Variants in C16orf78 observed in about 807,000 individuals in gnomAD.
C16orf78 encodes the protein chromosome 16 open reading frame 78.
C16orf78 carries 19 observed loss-of-function variants against 27.3 expected under a neutral mutation model. The observed-to-expected ratio is 0.70, with a 90% CI of 0.49 to 1.02. The LOEUF (loss-of-function observed/expected upper bound fraction) is 1.02, where lower values mean the gene tolerates loss of function less well. C16orf78 is among the 50% of genes least tolerant of loss of function. The probability of loss-of-function intolerance (pLI) is 0.00; values close to 1 mark genes in which losing one functional copy is unlikely to be tolerated. For missense variants in C16orf78, 339 were observed against 337.0 expected (o/e 1.01, Z -0.05); for synonymous variants, 130 against 116.1 (o/e 1.12, Z -0.77).
intron 4 of C16orf78, 21 bp from the exon 5 acceptor site, chr16:49,399,110 C>T (rs1596936199): frequency 6.2e-7 from 1 of 1,612,292 alleles, no homozygotes; most frequent in East Asian, 2.2e-5. Context: ...CAACTGACCT[C>T]TTTTGCCTTC....
chr16:49,378,684 C>T, intron 3 of C16orf78, 91 bp downstream of exon 3: 2 of 1,553,764 alleles, frequency 1.3e-6, no homozygotes, highest in South Asian at 1.2e-5. Context: ...ATTCTTAGAG[C>T]AGTAGCGTCC....
At chr16:49,374,115 A>G (rs748618113) in intron 1 of C16orf78, 26 bp downstream of exon 1, 5 of 1,611,626 alleles carry the variant, frequency 3.1e-6, no homozygotes, top group Admixed American at 1.7e-5. Context: ...GAGAAATGGC[A>G]GGAAGACTTT....
chr16:49,383,901 A>G (rs1965315864), intron 3 of C16orf78, among the ~76,000 whole-genome samples: 1 of 152,252 alleles, frequency 6.6e-6, no homozygotes, highest in Non-Finnish European at 1.5e-5. Context: ...AACTGATTCT[A>G]CAGCAATGCA....
intron 3 of C16orf78, among the ~76,000 whole-genome samples, chr16:49,394,451 G>GA (rs1423305767): frequency 1.3e-5 from 2 of 148,812 alleles, no homozygotes; most frequent in Non-Finnish European, 3.0e-5. Flanking sequence ...CATATTAAAG[G>GA]AAAAAATGTG....
At chr16:49,377,643 C>T (rs1051355246) in intron 1 of C16orf78, 88 bp from the exon 2 acceptor site, 179 of 1,510,218 alleles carry the variant, frequency 1.2e-4, no homozygotes, top group Non-Finnish European at 1.2e-4. Flanking sequence ...GGGACAGCCC[C>T]TCACCTGGGA....
At chr16:49,388,539 T>G (rs1965376095) in intron 3 of C16orf78, among the ~76,000 whole-genome samples, 1 of 152,164 alleles carries the variant, frequency 6.6e-6, no homozygotes, top group Admixed American at 6.5e-5. Context: ...TAACACAAGG[T>G]CTCACTTTGT....
At chr16:49,388,678 A>C (rs1028219326) in intron 3 of C16orf78, among the ~76,000 whole-genome samples, 1 of 152,056 alleles carries the variant, frequency 6.6e-6, no homozygotes, top group Non-Finnish European at 1.5e-5. Flanking sequence ...TGGCCAGCAA[A>C]TTTTTGTATT....
At chr16:49,383,418 A>T (rs80151246) in intron 3 of C16orf78, among the ~76,000 whole-genome samples, 5,430 of 152,336 alleles carry the variant, frequency 0.036, 113 homozygotes, top group Non-Finnish European at 0.053. Context: ...TCCCGATTGC[A>T]TTACATTACA....
intron 1 of C16orf78, among the ~76,000 whole-genome samples, chr16:49,376,278 C>T (rs1332142398): frequency 6.6e-6 from 1 of 152,204 alleles, no homozygotes; most frequent in African/African-American, 2.4e-5. Context: ...TTGGCATCAG[C>T]GAAGACCCCT....
intron 3 of C16orf78, among the ~76,000 whole-genome samples, chr16:49,395,574 C>T (rs929453153): frequency 6.6e-6 from 1 of 152,160 alleles, no homozygotes; most frequent in Non-Finnish European, 1.5e-5. Flanking sequence ...GGCACCCCTG[C>T]AAGTCCAACA....
intron 4 of C16orf78, 93 bp downstream of exon 4, chr16:49,396,771 GA>G: frequency 1.4e-6 from 2 of 1,464,742 alleles, no homozygotes; most frequent in Non-Finnish European, 1.8e-6. Flanking sequence ...GGCTTAGCCT[GA>G]AGATCTAGGA....
intron 4 of C16orf78, among the ~76,000 whole-genome samples, 178 bp downstream of exon 4, chr16:49,396,856 C>T (rs1965482192): frequency 1.3e-5 from 2 of 152,238 alleles, no homozygotes; most frequent in Non-Finnish European, 2.9e-5. Flanking sequence ...CAGTGGGTTT[C>T]CAGCAGCTCA....
chr16:49,389,427 A>G (rs1247921407), intron 3 of C16orf78, among the ~76,000 whole-genome samples: 1 of 148,006 alleles, frequency 6.8e-6, no homozygotes, highest in Non-Finnish European at 1.5e-5. Flanking sequence ...CTCCATCTCA[A>G]AAAAAAAAAA....
At chr16:49,394,684 G>T (rs1262289652) in intron 3 of C16orf78, among the ~76,000 whole-genome samples, 2 of 151,930 alleles carry the variant, frequency 1.3e-5, no homozygotes, top group African/African-American at 4.8e-5. Flanking sequence ...GTTCTAGAGG[G>T]TCTGTCAAAT....
intron 3 of C16orf78, among the ~76,000 whole-genome samples, chr16:49,382,251 C>T (rs953057408): frequency 6.6e-6 from 1 of 151,984 alleles, no homozygotes; most frequent in African/African-American, 2.4e-5. Flanking sequence ...ACGTCACACT[C>T]TGGGGACTGT....
At chr16:49,388,346 A>T (rs147309745) in intron 3 of C16orf78, among the ~76,000 whole-genome samples, 2,415 of 152,240 alleles carry the variant, frequency 0.016, 38 homozygotes, top group Non-Finnish European at 0.026. Context: ...GTGAGTGTTC[A>T]GTGATATAAA....
At chr16:49,398,097 C>T (rs1229997537) in intron 4 of C16orf78, among the ~76,000 whole-genome samples, 3 of 152,194 alleles carry the variant, frequency 2.0e-5, no homozygotes, top group Non-Finnish European at 2.9e-5. Context: ...TATACATATG[C>T]ATGAGACCCT....
chr16:49,394,285 A>G (rs1320771207), intron 3 of C16orf78, among the ~76,000 whole-genome samples: 2 of 152,166 alleles, frequency 1.3e-5, no homozygotes, highest in African/African-American at 4.8e-5. Flanking sequence ...ATAAATGCGA[A>G]AATCTAAAAA....
chr16:49,387,700 T>C (rs1459680618), intron 3 of C16orf78, among the ~76,000 whole-genome samples: 2 of 152,200 alleles, frequency 1.3e-5, no homozygotes, highest in African/African-American at 2.4e-5. Flanking sequence ...GTTGTCGTTG[T>C]AGTTGGTAGG....
Sources: gnomAD v4.1 joint callset for allele counts (sites outside exome capture counted in the v4.1 genomes callset) on GRCh38, gnomAD v4.1.1 for gene constraint, MANE v1.5 for transcripts, NCBI Gene and HGNC (gene_info 2026-07-23, HGNC 2026-07-21) for gene names.